Variants in CCDC171 observed in about 807,000 individuals in gnomAD.
CCDC171 encodes the protein coiled-coil domain-containing protein 171.
Under a neutral mutation model 168.2 loss-of-function variants are expected in CCDC171, and 177 were observed. That is an observed-to-expected ratio of 1.05 (90% confidence interval 0.93 to 1.19). CCDC171 has a LOEUF of 1.19. CCDC171 is among the 50% of genes most tolerant of loss of function. The probability of loss-of-function intolerance (pLI) is 0.00; values close to 1 mark genes in which losing one functional copy is unlikely to be tolerated. For missense variants in CCDC171, 1,991 were observed against 1,539.0 expected, an observed-to-expected ratio of 1.29 and a Z score of -4.91; for synonymous variants, 687 against 540.8, an observed-to-expected ratio of 1.27 and a Z score of -3.75.
the CCDC171 span, among the ~76,000 whole-genome samples, chr9:16,084,628 A>T: frequency 2.0e-5 from 3 of 152,230 alleles, no homozygotes; most frequent in Middle Eastern, 3.4e-3. Context: ...GCGCCTCCTC[A>T]AACTTCCTAC....
intron 3 of CCDC171, among the ~76,000 whole-genome samples, chr9:15,980,350 G>A (rs1182174043): frequency 1.3e-5 from 2 of 152,166 alleles, no homozygotes; most frequent in African/African-American, 4.8e-5. Context: ...TAATTCTTAA[G>A]TTGGACTCAA....
chr9:15,887,598 C>T (rs1819606620), intron 24 of CCDC171, among the ~76,000 whole-genome samples: 1 of 152,060 alleles, frequency 6.6e-6, no homozygotes, highest in South Asian at 2.1e-4. Context: ...AGAGAACGCA[C>T]TCAAATTTCT....
At chr9:16,089,239 CCT>C in the CCDC171 span, among the ~76,000 whole-genome samples, 1 of 151,616 alleles carries the variant, frequency 6.6e-6, no homozygotes. Flanking sequence ...AAACATAAGA[CCT>C]AAAACCATAA....
At chr9:15,741,505 C>T (rs962391262) in intron 16 of CCDC171, among the ~76,000 whole-genome samples, 5 of 151,940 alleles carry the variant, frequency 3.3e-5, no homozygotes, top group African/African-American at 9.7e-5. Flanking sequence ...GTGGATATAC[C>T]ACATTTTGTT....
At chr9:15,890,012 C>G (rs1311114919) in intron 24 of CCDC171, among the ~76,000 whole-genome samples, 1 of 152,112 alleles carries the variant, frequency 6.6e-6, no homozygotes, top group African/African-American at 2.4e-5. Context: ...TATTTAGAGA[C>G]CAGTGTGAAC....
At position 15,971,914 on chromosome 9, in the gene CCDC171, G is replaced by T; in HGVS notation, c.*78G>T. 7.8e-7 allele frequency: 1 copy of T among 1,289,500 alleles called. No individual in the cohort carries two copies. Among genetic ancestry groups the T allele is most frequent in the South Asian group, 1.3e-5 (1 of 77,878 alleles). 79.9% of individuals were successfully genotyped at this position (1,289,500 alleles called of 1,614,324 possible). On this transcript the variant is annotated 3_prime_UTR_variant, in exon 26 of 26. Transcript: ENST00000380701. The stretch of plus-strand genomic sequence containing the variant: ...TTGAATGGGAATTTTCTTATCAGTT[G>T]ACTTTTGTTTCAGCAGAAGTGGCAG...
intron 16 of CCDC171, among the ~76,000 whole-genome samples, chr9:15,741,294 C>T (rs2054865515): frequency 6.6e-6 from 1 of 152,156 alleles, no homozygotes; most frequent in African/African-American, 2.4e-5. Context: ...CTCCTTATTC[C>T]TTCTTCTCCT....
intron 1 of CCDC171, among the ~76,000 whole-genome samples, chr9:16,052,408 G>A (rs940751226): frequency 9.9e-5 from 15 of 152,130 alleles, no homozygotes; most frequent in African/African-American, 3.6e-4. Flanking sequence ...ACGAGTGACA[G>A]CACTCTCAGG....
rs538994975 is a variant in CCDC171 at position 15,576,052 on chromosome 9, A to G, written c.178-2797A>G. On this transcript the variant is annotated intron_variant, in intron 3 of 25. Transcript: ENST00000380701. ...GGTTGCAGTGAGCCGAGATCATGCC[A>G]CTGTACTCCAGCTTCGGCAACAGAG... Among the ~76,000 whole-genome samples the G allele has an allele frequency of 1.2e-4, 18 of 150,518 alleles. 1 individual carries two copies. In the South Asian group the frequency reaches 3.4e-3, roughly 28 times the overall value.
intron 3 of CCDC171, among the ~76,000 whole-genome samples, chr9:16,007,238 T>A (rs910470757): frequency 2.0e-5 from 3 of 152,162 alleles, no homozygotes; most frequent in Admixed American, 6.5e-5. Flanking sequence ...TTCTTTTGAG[T>A]AGTGTCTGTT....
rs1475764935 is a variant in CCDC171 at position 15,963,000 on chromosome 9, G to A, written c.3754-8609G>A. Among the ~76,000 whole-genome samples the A allele has an allele frequency of 6.6e-5, 10 of 151,524 alleles. No individual in the cohort carries two copies. The South Asian group carries it at 1.7e-3, about 25-fold the overall frequency. ...ATCAGCCTTTACATATTTACCTCACGTTTAAAATAGTTGTATTATATGGTT... is the reference window on the plus strand; with the variant it reads ...ATCAGCCTTTACATATTTACCTCACATTTAAAATAGTTGTATTATATGGTT... On this transcript the variant is annotated intron_variant, in intron 25 of 25. Coordinates refer to ENST00000380701, the MANE Select transcript of CCDC171 (RefSeq NM_173550.4).
chr9:16,006,879 C>A (rs1486146188), intron 3 of CCDC171, among the ~76,000 whole-genome samples: 1 of 152,138 alleles, frequency 6.6e-6, no homozygotes, highest in Non-Finnish European at 1.5e-5. Context: ...GTGAATAGTA[C>A]CGCAATAAAC....
intron 25 of CCDC171, among the ~76,000 whole-genome samples, chr9:15,931,825 C>T (rs1182557437): frequency 6.6e-6 from 1 of 151,572 alleles, no homozygotes; most frequent in Non-Finnish European, 1.5e-5. Flanking sequence ...GGTCTAATGC[C>T]ATTCTTTTAC....
Position 15,953,515 on chromosome 9 carries a change from C to T in CCDC171, c.3754-18094C>T, listed in dbSNP as rs77832884. On this transcript the variant is annotated intron_variant, in intron 25 of 25. Transcript: ENST00000380701. ...TTTGTATGTTGAGCTCTCCTTGCAT[C>T]CTGGGGTAAACCCACTTAGTTATGG... 5.1e-3 allele frequency among the ~76,000 whole-genome samples: 775 copies of T among 152,258 alleles called. 7 individuals carry two copies. The highest frequency in any genetic ancestry group is 0.018 in the African/African-American group (756 of 41,534).
chr9:15,671,517 C>A (rs1396791244), intron 9 of CCDC171, among the ~76,000 whole-genome samples: 1 of 149,728 alleles, frequency 6.7e-6, no homozygotes, highest in African/African-American at 2.5e-5. Context: ...CAGCCCCCCA[C>A]CCCCTGCCAG....
At chr9:15,775,272 G>A (rs1000521987) in intron 18 of CCDC171, among the ~76,000 whole-genome samples, 3 of 152,216 alleles carry the variant, frequency 2.0e-5, no homozygotes, top group African/African-American at 4.8e-5. Flanking sequence ...ATGCATTGCA[G>A]AATTATATTG....
At chr9:15,768,335 A>G (rs534389225) in intron 18 of CCDC171, among the ~76,000 whole-genome samples, 4 of 152,314 alleles carry the variant, frequency 2.6e-5, no homozygotes, top group African/African-American at 9.6e-5. Flanking sequence ...CAGTCACTGT[A>G]ACATACTTTT....
intron 25 of CCDC171, among the ~76,000 whole-genome samples, chr9:15,936,198 A>G (rs1282341457): frequency 2.6e-5 from 4 of 152,022 alleles, no homozygotes; most frequent in Admixed American, 2.6e-4. Flanking sequence ...AAGCCAAGCC[A>G]CTGCCTTCTT....
At chr9:15,604,897 G>A (rs2043108667) in intron 6 of CCDC171, among the ~76,000 whole-genome samples, 1 of 152,118 alleles carries the variant, frequency 6.6e-6, no homozygotes, top group South Asian at 2.1e-4. Flanking sequence ...CAAAATATTA[G>A]GAATATAATT....
Sources: gnomAD v4.1 joint callset for allele counts (sites outside exome capture counted in the v4.1 genomes callset) on GRCh38, gnomAD v4.1.1 for gene constraint, MANE v1.5 for transcripts, NCBI Gene and HGNC (gene_info 2026-07-23, HGNC 2026-07-21) for gene names.